Variants in PAM observed in about 807,000 individuals in gnomAD.
The protein encoded by PAM is peptidylglycine alpha-amidating monooxygenase, also known as peptidyl-glycine alpha-amidating monooxygenase.
In PAM, 72 loss-of-function variants were observed where a neutral mutation model predicts 122.1. That is an observed-to-expected ratio of 0.59 (90% confidence interval 0.49 to 0.72). PAM has a LOEUF of 0.72. PAM is among the 30% of genes least tolerant of loss of function. The pLI, the probability that PAM is intolerant of heterozygous loss-of-function variation, is 0.00. For missense variants in PAM, 1,106 were observed against 1,183.7 expected (o/e 0.93, Z 0.96); for synonymous variants, 389 against 404.4 (o/e 0.96, Z 0.46).
At position 103,007,579 on chromosome 5, in the gene PAM, A is replaced by G; in HGVS notation, c.2137A>G (p.Thr713Ala). The G allele has an allele frequency of 6.2e-7, 1 of 1,613,958 alleles. No homozygotes were observed. Among genetic ancestry groups the G allele is most frequent in the South Asian group, 1.1e-5 (1 of 91,090 alleles). ...AAATGGTCGGATCCAGTGTTTTAAA[A>G]CTGACACCAAAGAATTTGTGAGAGA... ...RENGRIQCFK[T>A]DTKEFVREIK... Residue 713 changes from threonine (T) to alanine (A), a missense_variant, in exon 20 of 26, where the codon ACT (threonine) becomes GCT (alanine). Thr to Ala is a moderately conservative substitution (Grantham distance 58). Around this residue, in one of 3 missense-constraint regions of PAM, gnomAD observed 333 missense variants for 335.6 expected, o/e 0.99. Coordinates refer to ENST00000438793, the MANE Select transcript of PAM (RefSeq NM_001177306.2).
At chr5:102,800,702 C>A (rs189631295) in intron 1 of PAM, among the ~76,000 whole-genome samples, 182 of 152,268 alleles carry the variant, frequency 1.2e-3, no homozygotes, top group Non-Finnish European at 2.1e-3. Context: ...TCTTGGAACT[C>A]CCTTTGAGTC....
At chr5:102,756,379 C>T (rs1335564222) in intron 1 of PAM, among the ~76,000 whole-genome samples, 3 of 152,120 alleles carry the variant, frequency 2.0e-5, no homozygotes, top group Non-Finnish European at 4.4e-5. Flanking sequence ...AGCTATGGAC[C>T]TTACATCCTG....
intron 1 of PAM, among the ~76,000 whole-genome samples, chr5:102,774,773 G>T (rs1392620354): frequency 6.6e-6 from 1 of 152,004 alleles, no homozygotes; most frequent in African/African-American, 2.4e-5. Flanking sequence ...AATTCATTTT[G>T]TCTCTTTGTT....
At chr5:102,802,268 C>T (rs912226563) in intron 1 of PAM, among the ~76,000 whole-genome samples, 3 of 152,056 alleles carry the variant, frequency 2.0e-5, no homozygotes, top group Non-Finnish European at 4.4e-5. Context: ...TGTATAATTC[C>T]TTTGATTTTT....
At chr5:102,795,628 A>G (rs182702570) in intron 1 of PAM, among the ~76,000 whole-genome samples, 1 of 152,358 alleles carries the variant, frequency 6.6e-6, no homozygotes, top group Admixed American at 6.5e-5. Context: ...GAAAACCAAA[A>G]TTAAAAATTC....
chr5:102,905,662 T>C (rs1026246932), intron 4 of PAM, among the ~76,000 whole-genome samples: 1 of 151,632 alleles, frequency 6.6e-6, no homozygotes, highest in Admixed American at 6.6e-5. Context: ...GTTTTATGGC[T>C]TTGGCAGCAG....
intron 23 of PAM, among the ~76,000 whole-genome samples, chr5:103,024,506 T>G (rs1237198324): frequency 1.3e-5 from 2 of 152,206 alleles, no homozygotes; most frequent in Non-Finnish European, 2.9e-5. Context: ...AGTTCCTTTT[T>G]TCTTTTGTAA....
intron 1 of PAM, chr5:102,837,743 A>G (rs1777491337): frequency 6.6e-6 from 1 of 152,340 alleles, no homozygotes; most frequent in African/African-American, 2.4e-5. Flanking sequence ...GGAAACATGC[A>G]GAAAACAACA....
chr5:102,913,893 G>A, intron 4 of PAM, 41 bp from the exon 5 acceptor site: 1 of 1,096,636 alleles, frequency 9.1e-7, no homozygotes, highest in Non-Finnish European at 1.4e-6. Context: ...GCACAGAAGT[G>A]TAACTTGTAT....
intron 4 of PAM, among the ~76,000 whole-genome samples, chr5:102,901,948 A>G (rs1798060335): frequency 6.6e-6 from 1 of 151,574 alleles, no homozygotes; most frequent in Non-Finnish European, 1.5e-5. Context: ...GAATAAGAGA[A>G]CGCTTAAATG....
intron 1 of PAM, among the ~76,000 whole-genome samples, chr5:102,832,952 AC>A (rs1286652959): frequency 6.6e-6 from 1 of 152,148 alleles, no homozygotes; most frequent in African/African-American, 2.4e-5. Flanking sequence ...CTTCACTTAG[AC>A]CAGTGTTTTC....
At chr5:102,986,066 G>A (rs1170828316) in intron 15 of PAM, among the ~76,000 whole-genome samples, 1 of 152,104 alleles carries the variant, frequency 6.6e-6, no homozygotes, top group East Asian at 1.9e-4. Flanking sequence ...AATAAATTAG[G>A]CCTAGAAGGA....
chr5:102,899,064 C>A (rs1796960494), intron 3 of PAM, among the ~76,000 whole-genome samples: 1 of 151,424 alleles, frequency 6.6e-6, no homozygotes, highest in Non-Finnish European at 1.5e-5. Context: ...CTCCCCTCCA[C>A]TTCCCTCCCC....
At chr5:102,904,777 A>G (rs1011414609) in intron 4 of PAM, among the ~76,000 whole-genome samples, 2 of 151,370 alleles carry the variant, frequency 1.3e-5, no homozygotes, top group African/African-American at 2.4e-5. Context: ...ACTAGGACAG[A>G]CTCTCTTGAT....
chr5:103,019,344 A>AT (rs1368748465), intron 22 of PAM, among the ~76,000 whole-genome samples: 1 of 152,222 alleles, frequency 6.6e-6, no homozygotes, highest in Non-Finnish European at 1.5e-5. Context: ...GGAAAACAGT[A>AT]TATCTGGAAC....
At chr5:102,961,134 C>G in intron 13 of PAM, 24 bp from the exon 14 acceptor site, 6 of 1,283,984 alleles carry the variant, frequency 4.7e-6, no homozygotes, top group Non-Finnish European at 5.7e-6. Context: ...CAAATTTATG[C>G]TCAGCTTCTT....
chr5:103,000,594 TG>T, intron 16 of PAM, among the ~76,000 whole-genome samples: 1 of 152,188 alleles, frequency 6.6e-6, no homozygotes, highest in East Asian at 1.9e-4. Flanking sequence ...TACCCAAGAT[TG>T]GGTAATTTAT....
intron 1 of PAM, among the ~76,000 whole-genome samples, chr5:102,833,035 A>T (rs1037768939): frequency 6.6e-6 from 1 of 152,212 alleles, no homozygotes; most frequent in Non-Finnish European, 1.5e-5. Context: ...AAATAGGTTT[A>T]AAAATTGAGT....
chr5:102,909,469 T>G (rs572158274), intron 4 of PAM, among the ~76,000 whole-genome samples: 1 of 151,800 alleles, frequency 6.6e-6, no homozygotes, highest in East Asian at 1.9e-4. Flanking sequence ...CTAAGATGAG[T>G]TGGTTAAACT....
Sources: allele counts gnomAD v4.1 joint callset (sites outside exome capture counted in the v4.1 genomes callset), GRCh38; gene constraint gnomAD v4.1.1; regional missense constraint gnomAD v4.1.1; transcripts MANE v1.5; gene names NCBI Gene and HGNC (gene_info 2026-07-23, HGNC 2026-07-21).